Variants in TENM4 observed in about 807,000 individuals in gnomAD.
The protein encoded by TENM4 is teneurin-4.
TENM4 carries 82 observed loss-of-function variants against 243.3 expected under a neutral mutation model. The observed-to-expected ratio is 0.34, with a 90% CI of 0.28 to 0.40. The LOEUF (loss-of-function observed/expected upper bound fraction) is 0.40, where lower values mean the gene tolerates loss of function less well. Among genes scored for constraint, TENM4 ranks in the 10% least tolerant of loss-of-function variants. TENM4 has a pLI of 1.00. For missense variants in TENM4, 3,138 were observed against 3,673.3 expected (o/e 0.85, Z 3.77); for synonymous variants, 1,412 against 1,456.3 (o/e 0.97, Z 0.69).
At chr11:78,999,269 T>C (rs1197629882) in intron 6 of TENM4, among the ~76,000 whole-genome samples, 1 of 152,094 alleles carries the variant, frequency 6.6e-6, no homozygotes. Context: ...ATCCTAGCAC[T>C]TTGGGAGGCT....
chr11:79,094,149 C>T (rs992170918), intron 4 of TENM4, among the ~76,000 whole-genome samples: 1 of 152,092 alleles, frequency 6.6e-6, no homozygotes, highest in Non-Finnish European at 1.5e-5. Flanking sequence ...CTCACAGATC[C>T]CTGCCTAGAG....
chr11:78,808,583 G>A (rs981990791), intron 14 of TENM4, among the ~76,000 whole-genome samples: 3 of 152,096 alleles, frequency 2.0e-5, no homozygotes, highest in African/African-American at 7.2e-5. Flanking sequence ...ACCCTTTCCT[G>A]GTTAGGCCTC....
At chr11:79,290,025 A>T (rs1590855044) in intron 2 of TENM4, among the ~76,000 whole-genome samples, 1 of 151,462 alleles carries the variant, frequency 6.6e-6, no homozygotes, top group Non-Finnish European at 1.5e-5. Flanking sequence ...TGAACTCCTG[A>T]CCTCAGGTGA....
intron 6 of TENM4, among the ~76,000 whole-genome samples, chr11:79,018,363 G>A (rs550912449): frequency 6.6e-6 from 1 of 152,044 alleles, no homozygotes; most frequent in African/African-American, 2.4e-5. Flanking sequence ...ATAGGCCAGG[G>A]GTAATCTCAT....
intron 18 of TENM4, among the ~76,000 whole-genome samples, chr11:78,768,908 GCAAA>G (rs1186365265): frequency 1.3e-5 from 2 of 152,176 alleles, no homozygotes; most frequent in African/African-American, 4.8e-5. Flanking sequence ...CTGAAGTATG[GCAAA>G]CAAAGGATAC....
chr11:78,750,873 G>T (rs184808492), intron 19 of TENM4, among the ~76,000 whole-genome samples: 1 of 150,672 alleles, frequency 6.6e-6, no homozygotes. Context: ...GTGTGTGTGT[G>T]TGTGTGTCTG....
chr11:79,137,434 A>G (rs562066511), intron 4 of TENM4, among the ~76,000 whole-genome samples: 75 of 152,308 alleles, frequency 4.9e-4, no homozygotes, highest in African/African-American at 1.8e-3. Context: ...AGACCAATCC[A>G]GGCAGACTAC....
Position 78,756,949 on chromosome 11 carries a change from C to T in TENM4, c.2612G>A (p.Gly871Asp). 1 of 1,613,950 alleles carries T rather than the reference C, an allele frequency of 6.2e-7. No homozygotes were observed. The highest frequency in any genetic ancestry group is 1.1e-5 in the South Asian group (1 of 91,062). Residue 871 changes from glycine (G) to aspartate (D), a missense_variant, in exon 19 of 34, where the codon GGC (glycine) becomes GAC (aspartate). This residue lies in a region of TENM4 where 2,467 missense variants were observed against 3,059.1 expected (regional missense o/e 0.81). Transcript: ENST00000278550. ...GATGATGTCCAGAGGGTTAGGGGAG[C>T]CAAGGCACAGCGGGTTGATATGGCA... ...PLCHINPLCL[G>D]SPNPLDIIQE...
chr11:79,359,137 A>C (rs945468417), intron 1 of TENM4, among the ~76,000 whole-genome samples: 2 of 152,134 alleles, frequency 1.3e-5, no homozygotes, highest in Non-Finnish European at 2.9e-5. Context: ...ATGGTGTTGC[A>C]TACCTGTAGT....
At chr11:79,346,350 A>T (rs1857325834) in intron 1 of TENM4, among the ~76,000 whole-genome samples, 1 of 152,124 alleles carries the variant, frequency 6.6e-6, no homozygotes, top group African/African-American at 2.4e-5. Context: ...TGAGAATTAC[A>T]ATACCTGCCT....
At chr11:78,836,362 A>C (rs946602930) in intron 12 of TENM4, among the ~76,000 whole-genome samples, 1 of 152,166 alleles carries the variant, frequency 6.6e-6, no homozygotes, top group Non-Finnish European at 1.5e-5. Context: ...AAAAGTAAAC[A>C]AAAAAACAAG....
chr11:78,826,601 C>A (rs1479662170), intron 12 of TENM4, among the ~76,000 whole-genome samples: 1 of 152,078 alleles, frequency 6.6e-6, no homozygotes, highest in Non-Finnish European at 1.5e-5. Flanking sequence ...GATGTCTACT[C>A]CAGATGATAA....
intron 1 of TENM4, among the ~76,000 whole-genome samples, chr11:79,331,408 G>T (rs1244490860): frequency 6.6e-6 from 1 of 152,120 alleles, no homozygotes; most frequent in African/African-American, 2.4e-5. Context: ...TGCCTTATCT[G>T]TAAAACAAAG....
intron 19 of TENM4, among the ~76,000 whole-genome samples, chr11:78,739,855 C>A (rs1005847779): frequency 1.3e-5 from 2 of 152,120 alleles, no homozygotes; most frequent in Admixed American, 6.5e-5. Flanking sequence ...AAACTGGTTT[C>A]CAGAGAGGTT....
intron 6 of TENM4, among the ~76,000 whole-genome samples, chr11:79,038,824 C>T (rs1170884388): frequency 2.6e-5 from 4 of 152,140 alleles, no homozygotes; most frequent in Non-Finnish European, 5.9e-5. Context: ...TTGCAAGAAG[C>T]CTAGCCTCAT....
intron 28 of TENM4, among the ~76,000 whole-genome samples, chr11:78,689,250 C>T (rs1443608643): frequency 6.6e-6 from 1 of 152,180 alleles, no homozygotes; most frequent in Non-Finnish European, 1.5e-5. Context: ...CTGTACCGTC[C>T]ATTTGCAAGT....
At chr11:79,070,698 A>C (rs1436734039) in intron 4 of TENM4, among the ~76,000 whole-genome samples, 1 of 152,194 alleles carries the variant, frequency 6.6e-6, no homozygotes, top group East Asian at 1.9e-4. Flanking sequence ...CATAATAAAG[A>C]TGTGTTTAAT....
chr11:79,164,091 G>A lies in TENM4; in HGVS notation c.-162-15285C>T, dbSNP rs1406439290. Among the ~76,000 whole-genome samples, 3 of 107,428 alleles carry A rather than the reference G, an allele frequency of 2.8e-5. No individual in the cohort carries two copies. The South Asian group carries it at 8.2e-4, about 29-fold the overall frequency. 70.5% of individuals were successfully genotyped at this position (107,428 alleles called of 152,430 possible). On this transcript the variant is annotated intron_variant, in intron 3 of 33. Transcript: ENST00000278550. ...TGTATATATACACTATATATACTAT[G>A]TATATATAGTATATATACACTATAT...
At position 79,073,601 on chromosome 11, in the gene TENM4, G is replaced by A. The variant is rs536456085; in HGVS notation, c.-65-3592C>T. 4.7e-4 allele frequency among the ~76,000 whole-genome samples: 71 copies of A among 152,270 alleles called. 1 individual carries two copies. In the Middle Eastern group the frequency reaches 0.01, roughly 22 times the overall value. On this transcript the variant is annotated intron_variant, in intron 4 of 33. Transcript: ENST00000278550. Reference sequence around the variant, plus strand: ...GTAAATCTAAGGCTGAATTAGAGGCGTTGCTCACATGTATTCTTTTTTTAA... The same window carrying A: ...GTAAATCTAAGGCTGAATTAGAGGCATTGCTCACATGTATTCTTTTTTTAA...
Sources: allele counts gnomAD v4.1 joint callset (sites outside exome capture counted in the v4.1 genomes callset), GRCh38; gene constraint gnomAD v4.1.1; regional missense constraint gnomAD v4.1.1; transcripts MANE v1.5; gene names NCBI Gene and HGNC (gene_info 2026-07-23, HGNC 2026-07-21).